The following ZMYM2 variants were observed in gnomAD, a reference collection of about 807,000 sequenced individuals.
The protein encoded by ZMYM2 is zinc finger MYM-type protein 2.
Under a neutral mutation model 162.8 loss-of-function variants are expected in ZMYM2, and 56 were observed. That is an observed-to-expected ratio of 0.34 (90% CI 0.28 to 0.43). ZMYM2 has a LOEUF of 0.43. Ranked by LOEUF, ZMYM2 falls within the 20% of genes least tolerant of loss-of-function variation. The pLI is 1.00. For synonymous variants in ZMYM2, 510 were observed against 541.6 expected (o/e 0.94, Z 0.81); for missense variants, 1,275 against 1,621.8 (o/e 0.79, Z 3.67).
the ZMYM2 span, among the ~76,000 whole-genome samples, chr13:19,898,624 A>T: frequency 1.3e-5 from 2 of 152,148 alleles, no homozygotes; most frequent in Non-Finnish European, 2.9e-5. Flanking sequence ...AGCACACAGT[A>T]CCAAAATTTA....
intron 2 of ZMYM2, among the ~76,000 whole-genome samples, chr13:19,985,158 CTG>C (rs1949031442): frequency 6.6e-6 from 1 of 152,164 alleles, no homozygotes; most frequent in Admixed American, 6.6e-5. Context: ...GGGTTTCACT[CTG>C]TTGCCCAGGC....
At chr13:20,022,602 A>G (rs1285754120) in intron 7 of ZMYM2, among the ~76,000 whole-genome samples, 3 of 152,212 alleles carry the variant, frequency 2.0e-5, no homozygotes, top group Non-Finnish European at 4.4e-5. Flanking sequence ...CTAAAAGAAA[A>G]ATTGTAAATT....
chr13:19,884,182 C>T, the ZMYM2 span, among the ~76,000 whole-genome samples: 1 of 152,058 alleles, frequency 6.6e-6, no homozygotes, highest in African/African-American at 2.4e-5. Flanking sequence ...AGCCAGGAAA[C>T]CATACCGAGA....
the ZMYM2 span, among the ~76,000 whole-genome samples, chr13:19,868,139 T>C: frequency 1.3e-5 from 2 of 152,208 alleles, no homozygotes; most frequent in South Asian, 4.1e-4. Flanking sequence ...AACCACCTGA[T>C]CTGTGTATAT....
chr13:19,988,603 G>A (rs1205658683), intron 2 of ZMYM2, among the ~76,000 whole-genome samples: 1 of 152,112 alleles, frequency 6.6e-6, no homozygotes, highest in Admixed American at 6.6e-5. Flanking sequence ...CCAACGTGGT[G>A]AAACCCCGTC....
At chr13:19,880,439 C>CT in the ZMYM2 span, among the ~76,000 whole-genome samples, 1 of 150,632 alleles carries the variant, frequency 6.6e-6, no homozygotes, top group South Asian at 2.1e-4. Context: ...AATTTTTTTT[C>CT]TTTTTTTGAG....
chr13:19,998,096 T>C (rs1950151748), intron 3 of ZMYM2, among the ~76,000 whole-genome samples: 1 of 152,210 alleles, frequency 6.6e-6, no homozygotes, highest in African/African-American at 2.4e-5. Context: ...AATTGGGTCT[T>C]GCATTTATAT....
In ZMYM2 at chr13:19,993,937, C is replaced by A. The variant is rs1949822051; in HGVS notation, c.847+18C>A. ...TAATCCTGGTAAGCAGTAAGAGATACTCTACTTCATGTAAATGAATTTAAA... is the reference window on the plus strand; with the variant it reads ...TAATCCTGGTAAGCAGTAAGAGATAATCTACTTCATGTAAATGAATTTAAA... On this transcript the variant is annotated intron_variant, in intron 3 of 24. Transcript: ENST00000610343. 1 of 1,586,054 alleles carries A rather than the reference C, an allele frequency of 6.3e-7. No individual in the cohort carries two copies. The highest frequency in any genetic ancestry group is 8.5e-7 in the Non-Finnish European group (1 of 1,170,954).
At chr13:19,922,693 A>G in the ZMYM2 span, among the ~76,000 whole-genome samples, 1 of 151,970 alleles carries the variant, frequency 6.6e-6, no homozygotes, top group African/African-American at 2.4e-5. Context: ...AAATACAAAA[A>G]ATTAGCCAGG....
chr13:19,906,734 A>AT, the ZMYM2 span, among the ~76,000 whole-genome samples: 1 of 151,662 alleles, frequency 6.6e-6, no homozygotes, highest in Non-Finnish European at 1.5e-5. Context: ...TAATTTTTAA[A>AT]TTTTTTTGTA....
At chr13:20,041,728 A>G (rs1954266239) in intron 12 of ZMYM2, among the ~76,000 whole-genome samples, 1 of 152,142 alleles carries the variant, frequency 6.6e-6, no homozygotes, top group African/African-American at 2.4e-5. Context: ...GCTCTTATAA[A>G]GCAGGTCTGG....
chr13:19,878,901 GAT>G, the ZMYM2 span, among the ~76,000 whole-genome samples: 1 of 152,096 alleles, frequency 6.6e-6, no homozygotes, highest in African/African-American at 2.4e-5. Flanking sequence ...TCTCTTATCA[GAT>G]ATGTGTTTTA....
At chr13:19,875,843 A>G in the ZMYM2 span, among the ~76,000 whole-genome samples, 5 of 151,958 alleles carry the variant, frequency 3.3e-5, no homozygotes, top group African/African-American at 1.2e-4. Context: ...AAAAGAGGGG[A>G]AAAGGGTTGA....
chr13:20,000,438 A>C (rs1169779926), intron 3 of ZMYM2, among the ~76,000 whole-genome samples: 1 of 152,224 alleles, frequency 6.6e-6, no homozygotes, highest in Non-Finnish European at 1.5e-5. Context: ...AGACAAAACA[A>C]CTGATGGCTC....
chr13:19,890,269 T>C, the ZMYM2 span, among the ~76,000 whole-genome samples: 5 of 151,714 alleles, frequency 3.3e-5, no homozygotes, highest in Non-Finnish European at 5.9e-5. Context: ...CAGGCTCAAG[T>C]GATCCTCCCA....
At chr13:19,903,462 A>G in the ZMYM2 span, among the ~76,000 whole-genome samples, 1 of 144,074 alleles carries the variant, frequency 6.9e-6, no homozygotes, top group East Asian at 2.0e-4. Flanking sequence ...ACATGGTGAA[A>G]CCCCATCTCC....
chr13:20,010,416 T>C (rs1187614097), intron 6 of ZMYM2, among the ~76,000 whole-genome samples: 1 of 152,106 alleles, frequency 6.6e-6, no homozygotes, highest in Admixed American at 6.6e-5. Flanking sequence ...TGTTCAGGCC[T>C]GGTCTCGAAC....
At chr13:19,949,636 C>A in the ZMYM2 span, among the ~76,000 whole-genome samples, 1 of 151,936 alleles carries the variant, frequency 6.6e-6, no homozygotes, top group Non-Finnish European at 1.5e-5. Flanking sequence ...CTCCTGTAAT[C>A]CCAGCACTTT....
intron 6 of ZMYM2, among the ~76,000 whole-genome samples, chr13:20,008,141 T>C (rs1056349673): frequency 9.9e-5 from 15 of 152,144 alleles, no homozygotes; most frequent in African/African-American, 3.6e-4. Context: ...GTTTTTTGTT[T>C]TGTTTTGAGA....
Sources: allele counts gnomAD v4.1 joint callset (sites outside exome capture counted in the v4.1 genomes callset), GRCh38; gene constraint gnomAD v4.1.1; transcripts MANE v1.5; gene names NCBI Gene and HGNC (gene_info 2026-07-23, HGNC 2026-07-21).